Variants in POPDC1 observed in about 807,000 individuals in gnomAD.
POPDC1 encodes popeye domain-containing protein 1.
the POPDC1 span, chr6:105,125,253 CA>C: frequency 2.0e-6 from 2 of 1,000,974 alleles, no homozygotes; most frequent in South Asian, 1.6e-5. Context: ...ATAGTTGTAG[CA>C]AAAAATTCCA....
chr6:105,109,969 T>C, the POPDC1 span, among the ~76,000 whole-genome samples: 1 of 151,856 alleles, frequency 6.6e-6, no homozygotes, highest in African/African-American at 2.4e-5. Context: ...ATTTAAACAA[T>C]TTTGACTAAC....
the POPDC1 span, among the ~76,000 whole-genome samples, chr6:105,131,883 C>T: frequency 6.6e-6 from 1 of 151,774 alleles, no homozygotes; most frequent in Admixed American, 6.6e-5. Flanking sequence ...CTGTAATCCT[C>T]ACCTTACTCA....
chr6:105,114,676 A>T, the POPDC1 span, among the ~76,000 whole-genome samples: 1 of 152,250 alleles, frequency 6.6e-6, no homozygotes, highest in African/African-American at 2.4e-5. Context: ...TTCTTAAAGT[A>T]TTTAATTCTT....
At chr6:105,125,523 C>T in the POPDC1 span, 864 of 1,614,050 alleles carry the variant, frequency 5.4e-4, 9 homozygotes, top group South Asian at 8.5e-3. Flanking sequence ...TGGAGGCACA[C>T]GGAGTGGTTC....
chr6:105,117,485 G>A, the POPDC1 span, among the ~76,000 whole-genome samples: 2 of 152,120 alleles, frequency 1.3e-5, no homozygotes, highest in African/African-American at 4.8e-5. Context: ...TTAGCTCAGA[G>A]CTGGAAATCA....
chr6:105,100,465 GTGC>G, the POPDC1 span: 1 of 151,308 alleles, frequency 6.6e-6, no homozygotes, highest in Admixed American at 6.6e-5. Context: ...AGCTGAGAAT[GTGC>G]CACTACACTC....
chr6:105,118,015 C>T, the POPDC1 span, among the ~76,000 whole-genome samples: 3 of 152,168 alleles, frequency 2.0e-5, no homozygotes, highest in African/African-American at 4.8e-5. Context: ...CCACTACACT[C>T]GATCATACAG....
chr6:105,127,009 C>T, the POPDC1 span, among the ~76,000 whole-genome samples: 1,569 of 152,228 alleles, frequency 0.01, 30 homozygotes, highest in African/African-American at 0.036. Flanking sequence ...AGGTCATGCC[C>T]CATCTTTGGG....
chr6:105,134,438 A>G, the POPDC1 span, among the ~76,000 whole-genome samples: 1 of 152,188 alleles, frequency 6.6e-6, no homozygotes. Context: ...ACACTCTATT[A>G]TTAATTGCAC....
the POPDC1 span, among the ~76,000 whole-genome samples, chr6:105,117,700 T>C: frequency 1.3e-5 from 2 of 152,142 alleles, no homozygotes; most frequent in Admixed American, 1.3e-4. Context: ...TTAAATCCTA[T>C]CATTAAATCC....
the POPDC1 span, among the ~76,000 whole-genome samples, chr6:105,113,835 G>C: frequency 1.0e-5 from 1 of 96,768 alleles, no homozygotes; most frequent in South Asian, 3.4e-4. Flanking sequence ...TTTTTTTATA[G>C]AGACAAGGTT....
the POPDC1 span, chr6:105,133,553 A>G: frequency 1.2e-6 from 2 of 1,613,292 alleles, no homozygotes; most frequent in Non-Finnish European, 1.7e-6. Context: ...GATTCTCTCA[A>G]TGGGCTGGAC....
chr6:105,122,326 T>C, the POPDC1 span, among the ~76,000 whole-genome samples: 1 of 152,374 alleles, frequency 6.6e-6, no homozygotes, highest in East Asian at 1.9e-4. Flanking sequence ...TTCATCCAGC[T>C]ATGGCACTAT....
chr6:105,099,486 A>C, the POPDC1 span: 3 of 152,326 alleles, frequency 2.0e-5, no homozygotes, highest in Admixed American at 2.0e-4. Flanking sequence ...TAGTGGATGA[A>C]GCAAAATAGA....
At chr6:105,124,464 G>T in the POPDC1 span, 1 of 897,240 alleles carries the variant, frequency 1.1e-6, no homozygotes, top group Non-Finnish European at 1.8e-6. Flanking sequence ...ATAATTCATA[G>T]CAGTGTTTCT....
the POPDC1 span, among the ~76,000 whole-genome samples, chr6:105,126,429 CA>C: frequency 7.5e-3 from 969 of 128,998 alleles, 8 homozygotes; most frequent in African/African-American, 0.018. Context: ...AACACTGTCT[CA>C]AAAAAAAAAA....
the POPDC1 span, among the ~76,000 whole-genome samples, chr6:105,126,182 C>T: frequency 6.7e-6 from 1 of 150,284 alleles, no homozygotes; most frequent in South Asian, 2.1e-4. Flanking sequence ...GCTGAGATTG[C>T]TCCATTGCAC....
chr6:105,127,975 G>C, the POPDC1 span, among the ~76,000 whole-genome samples: 1 of 152,188 alleles, frequency 6.6e-6, no homozygotes, highest in African/African-American at 2.4e-5. Flanking sequence ...GGCCAGACTG[G>C]TCTTAAACTC....
chr6:105,115,759 A>G, the POPDC1 span: 20 of 1,613,988 alleles, frequency 1.2e-5, no homozygotes, highest in African/African-American at 2.3e-4. Context: ...AGCTGGCTAT[A>G]CTGTTCCTCA....
Sources: gnomAD v4.1 joint callset for allele counts (sites outside exome capture counted in the v4.1 genomes callset) on GRCh38, gnomAD v4.1.1 for gene constraint, MANE v1.5 for transcripts, NCBI Gene and HGNC (gene_info 2026-07-23, HGNC 2026-07-21) for gene names.